Variants in TTLL9 observed in about 807,000 individuals in gnomAD.
TTLL9 encodes the protein probable tubulin polyglutamylase TTLL9.
In TTLL9, 47 loss-of-function variants were observed where a neutral mutation model predicts 65.6. That is an observed-to-expected ratio of 0.72 (90% CI 0.57 to 0.91). The LOEUF (loss-of-function observed/expected upper bound fraction) is 0.91, where lower values mean the gene tolerates loss of function less well. Among genes scored for constraint, TTLL9 ranks in the 40% least tolerant of loss-of-function variants. The pLI is 0.00. For synonymous variants in TTLL9, 179 were observed against 204.8 expected (o/e 0.87, Z 1.07); for missense variants, 537 against 568.8 (o/e 0.94, Z 0.57).
chr20:31,907,041 A>G lies in TTLL9; in HGVS notation c.207-1550A>G, dbSNP rs534793588. On this transcript the variant is annotated intron_variant, in intron 4 of 14. Transcript: ENST00000535842. ...AGTTAGAATAACTCGACCCCTATGT[A>G]TCAAAAGGATCGATCTCCAGAACAA... 1.1e-4 allele frequency among the ~76,000 whole-genome samples: 16 copies of G among 152,330 alleles called. No homozygotes were observed. The South Asian group carries it at 2.7e-3, about 26-fold the overall frequency.
intron 10 of TTLL9, among the ~76,000 whole-genome samples, chr20:31,932,932 G>A (rs920909011): frequency 4.6e-5 from 7 of 152,110 alleles, no homozygotes; most frequent in African/African-American, 1.7e-4. Flanking sequence ...GGAGGCGGAG[G>A]TTGCAGTGAG....
At chr20:31,902,411 C>T (rs973103840) in intron 4 of TTLL9, among the ~76,000 whole-genome samples, 3 of 152,118 alleles carry the variant, frequency 2.0e-5, no homozygotes, top group Admixed American at 1.3e-4. Context: ...GATGGAGTCT[C>T]GCTGTGTCGC....
chr20:31,930,428 T>C (rs1345562604), intron 10 of TTLL9, among the ~76,000 whole-genome samples: 1 of 152,228 alleles, frequency 6.6e-6, no homozygotes, highest in African/African-American at 2.4e-5. Context: ...CCTTTGAAAT[T>C]ATATATCTTC....
rs200039936 is a variant in TTLL9, at chr20:31,898,647, CT to C, written c.206+83del. 12 of 1,305,290 alleles carry C rather than the reference CT, an allele frequency of 9.2e-6. No homozygotes were observed. In the East Asian group the frequency reaches 2.8e-4, roughly 31 times the overall value. The allele number at this position is 1,305,290 out of a possible 1,614,324, so 80.9% of individuals were successfully genotyped here. The stretch of plus-strand genomic sequence containing the variant: ...TTCCTTTGTTTTTCTCCCAGTTCCC[CT>C]GGGTGGCCACTGGGACTTGTCCCAA... On this transcript the variant is annotated intron_variant, in intron 4 of 14. Transcript: ENST00000535842.
chr20:31,924,929 A>G lies in TTLL9; in HGVS notation c.665-80A>G, dbSNP rs1600604161. 2.7e-6 allele frequency: 4 copies of G among 1,501,358 alleles called. No individual in the cohort carries two copies. The African/African-American group carries it at 4.1e-5, about 15-fold the overall frequency. The allele number at this position is 1,501,358 out of a possible 1,614,324, so 93.0% of individuals were successfully genotyped here. A position where few individuals can be genotyped will look rare whatever the true frequency, so the allele number is the denominator to read the frequency against. ...TGAAGGCGGGGTTTCCTGTCTGTCC[A>G]CTGCTATTTTCCCAAAACCTAGCAC... is the stretch of plus-strand genomic sequence containing the variant. On this transcript the variant is annotated intron_variant, in intron 8 of 14. Transcript: ENST00000535842.
intron 3 of TTLL9, among the ~76,000 whole-genome samples, chr20:31,893,819 G>T (rs1280047622): frequency 6.6e-6 from 1 of 151,884 alleles, no homozygotes; most frequent in African/African-American, 2.4e-5. Context: ...AAATTTTTTA[G>T]CCATCATTTC....
chr20:31,875,206 G>A (rs2063021231), intron 2 of TTLL9, among the ~76,000 whole-genome samples: 1 of 151,986 alleles, frequency 6.6e-6, no homozygotes. Flanking sequence ...CTGGGCCTCA[G>A]TTTCATCATC....
intron 12 of TTLL9, among the ~76,000 whole-genome samples, chr20:31,936,149 T>C (rs1037510617): frequency 6.6e-6 from 1 of 152,190 alleles, no homozygotes. Flanking sequence ...GCTTTCTGTC[T>C]GTAAAAGGAT....
intron 10 of TTLL9, among the ~76,000 whole-genome samples, chr20:31,932,193 C>T (rs1480714540): frequency 6.6e-6 from 1 of 151,904 alleles, no homozygotes; most frequent in Admixed American, 6.6e-5. Flanking sequence ...AAATTTGGGC[C>T]AGGCATGGTG....
intron 8 of TTLL9, 39 bp from the exon 9 acceptor site, chr20:31,924,970 A>G (rs1476782450): frequency 6.2e-7 from 1 of 1,611,520 alleles, no homozygotes; most frequent in Admixed American, 1.7e-5. Flanking sequence ...CTGACGATCA[A>G]TATTTGTTGC....
chr20:31,880,088 GA>G (rs1300949832), intron 2 of TTLL9, among the ~76,000 whole-genome samples: 1 of 152,152 alleles, frequency 6.6e-6, no homozygotes, highest in Non-Finnish European at 1.5e-5. Flanking sequence ...GAACTCAGAG[GA>G]AAGACTACAA....
chr20:31,899,031 T>A (rs193160568), intron 4 of TTLL9, among the ~76,000 whole-genome samples: 1 of 152,300 alleles, frequency 6.6e-6, no homozygotes. Flanking sequence ...GGATACTGAT[T>A]GAGACAAACC....
rs1228786763 is a variant in TTLL9 at position 31,943,211 on chromosome 20, C to T, written c.*190C>T. ...TGGATACCTCCAGCCCATCCCCAGG[C>T]ATCTTTGCACCAGGAGACAGCCAAT... On this transcript the variant is annotated 3_prime_UTR_variant, in exon 15 of 15. Transcript: ENST00000535842. 8.1e-6 allele frequency: 5 copies of T among 613,824 alleles called. No individual in the cohort carries two copies. Among genetic ancestry groups the T allele is most frequent in the Non-Finnish European group, 1.5e-5 (5 of 343,350 alleles). 38.0% of individuals were successfully genotyped at this position (613,824 alleles called of 1,614,324 possible).
At chr20:31,941,603 G>T (rs1206780053) in intron 14 of TTLL9, among the ~76,000 whole-genome samples, 3 of 151,932 alleles carry the variant, frequency 2.0e-5, no homozygotes, top group African/African-American at 7.3e-5. Flanking sequence ...CTGTTGCCCA[G>T]GCTGGAGTGC....
rs954615066 is a variant in TTLL9, at chr20:31,870,935, C to A, written c.-20C>A. The stretch of plus-strand genomic sequence containing the variant: ...AGGGCTCTCTGCTCTTCAGAGTCTG[C>A]TTGGAACGGGATAAGTGGGTAATTC... On this transcript the variant is annotated 5_prime_UTR_variant, in exon 1 of 15. Transcript: ENST00000535842. The surrounding 1 kb of genome is among the most constrained non-coding windows in gnomAD (Gnocchi z 6.6). 9.4e-6 allele frequency: 6 copies of A among 638,152 alleles called. No individual in the cohort carries two copies. In the African/African-American group the frequency reaches 1.1e-4, roughly 12 times the overall value. The allele number at this position is 638,152 out of a possible 1,614,324, so 39.5% of individuals were successfully genotyped here. A position where few individuals can be genotyped will look rare whatever the true frequency, so the allele number is the denominator to read the frequency against.
chr20:31,941,959 G>A (rs2064217981), intron 14 of TTLL9, among the ~76,000 whole-genome samples: 1 of 152,218 alleles, frequency 6.6e-6, no homozygotes, highest in African/African-American at 2.4e-5. Flanking sequence ...ACTCAGAGAT[G>A]AGTGTAGAAC....
At chr20:31,881,559 A>G (rs117844491) in intron 2 of TTLL9, among the ~76,000 whole-genome samples, 1,693 of 152,220 alleles carry the variant, frequency 0.011, 21 homozygotes, top group South Asian at 0.027. Context: ...CTCAAATTTT[A>G]AAAATTAATA....
intron 2 of TTLL9, among the ~76,000 whole-genome samples, chr20:31,877,592 C>A (rs1225631865): frequency 1.3e-5 from 2 of 151,998 alleles, no homozygotes; most frequent in African/African-American, 2.4e-5. Context: ...TTATTTAATC[C>A]ATTTAATTAG....
chr20:31,919,660 C>A (rs926425733), intron 6 of TTLL9, among the ~76,000 whole-genome samples: 5 of 152,160 alleles, frequency 3.3e-5, no homozygotes, highest in Non-Finnish European at 7.3e-5. Flanking sequence ...AAGTCAGTCT[C>A]CCCCTTCCCC....
Sources: allele counts gnomAD v4.1 joint callset (sites outside exome capture counted in the v4.1 genomes callset), GRCh38; gene constraint gnomAD v4.1.1; non-coding constraint Gnocchi (gnomAD v3.1); transcripts MANE v1.5; gene names NCBI Gene and HGNC (gene_info 2026-07-23, HGNC 2026-07-21).